The following FOXP1 variants were observed in gnomAD, a reference collection of about 807,000 sequenced individuals.
FOXP1 encodes forkhead box protein P1.
A neutral mutation model predicts 98.2 loss-of-function variants in FOXP1; 15 were observed. That is an observed-to-expected ratio of 0.15 (90% CI 0.10 to 0.24). The LOEUF is 0.24. Among genes scored for constraint, FOXP1 ranks in the 10% least tolerant of loss-of-function variants. FOXP1 has a pLI of 1.00. For missense variants in FOXP1, 633 were observed against 848.5 expected (o/e 0.75, Z 3.15); for synonymous variants, 371 against 314.5 (o/e 1.18, Z -1.90).
intron 3 of FOXP1, among the ~76,000 whole-genome samples, chr3:71,409,012 A>G (rs2082538383): frequency 6.6e-6 from 1 of 152,200 alleles, no homozygotes; most frequent in Non-Finnish European, 1.5e-5. Context: ...GAAATGTATA[A>G]TAGTCCAATC....
intron 7 of FOXP1, among the ~76,000 whole-genome samples, chr3:71,082,295 A>G (rs990507663): frequency 1.3e-5 from 2 of 151,696 alleles, no homozygotes; most frequent in African/African-American, 2.4e-5. Flanking sequence ...AGAAAAAAAA[A>G]AAAAAAAGAA....
chr3:71,357,322 T>C (rs1042089182), intron 4 of FOXP1, among the ~76,000 whole-genome samples: 1 of 152,256 alleles, frequency 6.6e-6, no homozygotes, highest in Admixed American at 6.5e-5. Context: ...CATGGCACTT[T>C]CAGTAAGAAT....
chr3:71,524,236 C>T (rs1345339352), intron 2 of FOXP1, among the ~76,000 whole-genome samples: 2 of 151,948 alleles, frequency 1.3e-5, no homozygotes, highest in African/African-American at 2.4e-5. Flanking sequence ...TGGTGGTGTA[C>T]GCCTATAATC....
At chr3:71,101,742 G>T (rs1288762092) in intron 7 of FOXP1, among the ~76,000 whole-genome samples, 1 of 151,656 alleles carries the variant, frequency 6.6e-6, no homozygotes, top group Non-Finnish European at 1.5e-5. Flanking sequence ...TAAAAGCTTG[G>T]CAGCAAAAGA....
chr3:71,561,637 T>C (rs868683214), intron 2 of FOXP1, among the ~76,000 whole-genome samples: 1 of 152,248 alleles, frequency 6.6e-6, no homozygotes, highest in East Asian at 1.9e-4. Context: ...ATATAAAACA[T>C]TACAACAGCG....
At chr3:71,478,646 T>A (rs1354173037) in intron 3 of FOXP1, among the ~76,000 whole-genome samples, 1 of 152,226 alleles carries the variant, frequency 6.6e-6, no homozygotes, top group Non-Finnish European at 1.5e-5. Flanking sequence ...GGAGTCAGTA[T>A]GCATTAATGG....
chr3:71,376,683 T>C (rs915009298), intron 3 of FOXP1, among the ~76,000 whole-genome samples: 3 of 152,218 alleles, frequency 2.0e-5, no homozygotes, highest in African/African-American at 7.2e-5. Context: ...TTTTCCACTT[T>C]ACATAAATCA....
At chr3:71,299,424 T>A (rs2073652407) in intron 5 of FOXP1, among the ~76,000 whole-genome samples, 1 of 152,222 alleles carries the variant, frequency 6.6e-6, no homozygotes, top group African/African-American at 2.4e-5. Flanking sequence ...ATCAATTGGA[T>A]GACACCACTT....
At position 70,976,928 on chromosome 3, in the gene FOXP1, T is replaced by G; in HGVS notation, c.1530+13A>C. The G allele has an allele frequency of 1.3e-6, 2 of 1,596,396 alleles. No homozygotes were observed. The highest frequency in any genetic ancestry group is 1.7e-6 in the Non-Finnish European group (2 of 1,163,846). ...GTCAAGATCCAAGAATAAACAGGCC[T>G]GAGAAAGCTTACCTTCCACGTGGCC... On this transcript the variant is annotated intron_variant, in intron 17 of 20. Transcript: ENST00000649528.
chr3:71,422,007 C>G lies in FOXP1; in HGVS notation c.-167-62763G>C, dbSNP rs551517238. 3.3e-5 allele frequency among the ~76,000 whole-genome samples: 5 copies of G among 152,250 alleles called. No individual in the cohort carries two copies. In the South Asian group the frequency reaches 6.2e-4, roughly 19 times the overall value. ...CTTCCTTTTGAAATTTTCAAACAAC[C>G]CAGCCCAACTTTTTAAGACAGTCTG... On this transcript the variant is annotated intron_variant, in intron 3 of 20. Transcript: ENST00000649528.
At chr3:71,415,106 C>T (rs1388436544) in intron 3 of FOXP1, among the ~76,000 whole-genome samples, 1 of 152,192 alleles carries the variant, frequency 6.6e-6, no homozygotes, top group African/African-American at 2.4e-5. Context: ...CTCCTCCACA[C>T]GGGCATTCTG....
chr3:71,470,744 A>AAAAAG (rs891890421), intron 3 of FOXP1, among the ~76,000 whole-genome samples: 11 of 152,330 alleles, frequency 7.2e-5, no homozygotes, highest in Admixed American at 3.3e-4. Flanking sequence ...GTCTCCAGAA[A>AAAAAG]AAAAGAAAAG....
intron 6 of FOXP1, among the ~76,000 whole-genome samples, chr3:71,126,855 G>GC (rs1553751106): frequency 9.6e-6 from 1 of 103,836 alleles, no homozygotes; most frequent in African/African-American, 4.0e-5. Flanking sequence ...AAACCAAAAA[G>GC]AAAAAAAAAA....
chr3:71,472,214 AG>A (rs1315588895), intron 3 of FOXP1, among the ~76,000 whole-genome samples: 2 of 152,144 alleles, frequency 1.3e-5, no homozygotes, highest in Non-Finnish European at 2.9e-5. Context: ...TTACCTCCTC[AG>A]GACCACTCTC....
chr3:71,424,222 T>C lies in FOXP1; in HGVS notation c.-167-64978A>G, dbSNP rs185675302. 3.5e-3 allele frequency among the ~76,000 whole-genome samples: 535 copies of C among 152,300 alleles called. 3 individuals carry two copies. Among genetic ancestry groups the C allele is most frequent in the South Asian group, 8.9e-3 (43 of 4,830 alleles). ...CAGCAAGAAGGAAGGGACAATGATT[T>C]TGGCGACCAGGCAAACAGAGGCATC... On this transcript the variant is annotated intron_variant, in intron 3 of 20. Coordinates refer to ENST00000649528, the MANE Select transcript of FOXP1 (RefSeq NM_001349338.3).
rs528858369 is a variant in FOXP1 at position 71,138,140 on chromosome 3, T to A, written c.181-25503A>T. Among the ~76,000 whole-genome samples, 9 of 152,278 alleles carry A rather than the reference T, an allele frequency of 5.9e-5. No homozygotes were observed. The East Asian group carries it at 1.5e-3, about 26-fold the overall frequency. On this transcript the variant is annotated intron_variant, in intron 6 of 20. Coordinates refer to ENST00000649528, the MANE Select transcript of FOXP1 (RefSeq NM_001349338.3). ...AATGAGCTCTAGTCCTTTTTCTAATTAAGGAACAAAGGTTCCTGTGTGCGC... is the reference window on the plus strand; with the variant it reads ...AATGAGCTCTAGTCCTTTTTCTAATAAAGGAACAAAGGTTCCTGTGTGCGC...
intron 3 of FOXP1, among the ~76,000 whole-genome samples, chr3:71,445,464 T>G (rs2086327478): frequency 6.6e-6 from 1 of 152,074 alleles, no homozygotes; most frequent in South Asian, 2.1e-4. Context: ...TGTCCAGAGC[T>G]TCTCAAGAAG....
At position 71,267,124 on chromosome 3, in the gene FOXP1, A is replaced by AGAGAGTGTGTGT. The variant is rs142661368; in HGVS notation, c.-12+32695_-12+32696insACACACACTCTC. Among the ~76,000 whole-genome samples the AGAGAGTGTGTGT allele has an allele frequency of 8.2e-3, 1,215 of 148,394 alleles. 10 individuals are homozygous for AGAGAGTGTGTGT. The highest frequency in any genetic ancestry group is 0.017 in the African/African-American group (705 of 40,316). ...TATCACGCTGCATTTTATGGGAGAG[A>AGAGAGTGTGTGT]GTGTGTGTGTGTGTGTGTGTGTGTG... On this transcript the variant is annotated intron_variant, in intron 5 of 20. Coordinates refer to ENST00000649528, the MANE Select transcript of FOXP1 (RefSeq NM_001349338.3).
intron 6 of FOXP1, among the ~76,000 whole-genome samples, chr3:71,124,795 A>T (rs1014445766): frequency 1.3e-5 from 2 of 152,250 alleles, no homozygotes; most frequent in African/African-American, 2.4e-5. Context: ...TATATCTATA[A>T]CACACTGCCC....
Sources: gnomAD v4.1 joint callset for allele counts (sites outside exome capture counted in the v4.1 genomes callset) on GRCh38, gnomAD v4.1.1 for gene constraint, MANE v1.5 for transcripts, NCBI Gene and HGNC (gene_info 2026-07-23, HGNC 2026-07-21) for gene names.